The following SP140 variants were observed in gnomAD, a reference collection of about 807,000 sequenced individuals.
SP140 encodes the protein nuclear body protein SP140.
A neutral mutation model predicts 125.0 loss-of-function variants in SP140; 81 were observed. The ratio of observed to expected loss-of-function variants is 0.65; its 90% CI spans 0.54 to 0.78. The LOEUF (loss-of-function observed/expected upper bound fraction) is 0.78, where lower values mean the gene tolerates loss of function less well. SP140 is among the 30% of genes least tolerant of loss of function. The pLI, the probability that SP140 is intolerant of heterozygous loss-of-function variation, is 0.00. For synonymous variants in SP140, 312 were observed against 354.0 expected (o/e 0.88, Z 1.33); for missense variants, 858 against 1,037.0 (o/e 0.83, Z 2.37).
chr2:230,295,394 A>T (rs1252825452), intron 21 of SP140, among the ~76,000 whole-genome samples: 1 of 152,236 alleles, frequency 6.6e-6, no homozygotes, highest in Non-Finnish European at 1.5e-5. Context: ...GGAAACTATG[A>T]TGTCACCTAT....
intron 1 of SP140, among the ~76,000 whole-genome samples, chr2:230,205,828 C>T (rs1378869867): frequency 4.6e-5 from 7 of 152,084 alleles, no homozygotes; most frequent in Non-Finnish European, 1.0e-4. Flanking sequence ...GAGTTGAAGA[C>T]GTAGAGTTGG....
rs2044411314 is a variant in SP140 at position 230,211,047 on chromosome 2, T to C, written c.-322-2607T>C. ...CAGAGCCGTTTTGAGCACTACTTTA[T>C]TGAAGTGGCCTCAGAAGAGTGGCTC... On this transcript the variant is annotated intron_variant, in intron 1 of 4. Coordinates refer to the SP140 transcript ENST00000456542. This position sits in a 1 kb window ranked among gnomAD's most constrained non-coding sequence, Gnocchi z 4.2. Among the ~76,000 whole-genome samples the C allele has an allele frequency of 6.6e-6, 1 of 152,230 alleles. No homozygotes were observed.
intron 1 of SP140, among the ~76,000 whole-genome samples, chr2:230,204,540 T>A (rs1045377921): frequency 6.6e-6 from 1 of 152,166 alleles, no homozygotes; most frequent in Non-Finnish European, 1.5e-5. Context: ...CAATAATGAA[T>A]TCATAAACTA....
chr2:230,303,272 A>G (rs531005560), intron 22 of SP140, among the ~76,000 whole-genome samples: 2 of 152,294 alleles, frequency 1.3e-5, no homozygotes, highest in East Asian at 3.9e-4. Flanking sequence ...TAAGTCTACT[A>G]TGAACACCTT....
chr2:230,310,498 A>C (rs1182324167), intron 23 of SP140: 2 of 840,886 alleles, frequency 2.4e-6, no homozygotes, highest in African/African-American at 1.7e-5. Context: ...CAGACAGAGA[A>C]AGGAGAGTCC....
At chr2:230,292,587 C>A (rs2057254693) in intron 19 of SP140, 59 bp from the exon 20 acceptor site, 1 of 1,608,140 alleles carries the variant, frequency 6.2e-7, no homozygotes, top group Non-Finnish European at 8.5e-7. Flanking sequence ...TGGTGAGTGG[C>A]CATAGTCTGT....
At chr2:230,292,844 G>A (rs756084553) in intron 20 of SP140, 56 bp downstream of exon 20, 226 of 1,607,472 alleles carry the variant, frequency 1.4e-4, no homozygotes, top group Non-Finnish European at 1.8e-4. Context: ...TAATAATGAG[G>A]AGACTGTTTA....
chr2:230,311,099 A>G (rs2059292529), intron 24 of SP140, 55 bp from the exon 25 acceptor site: 8 of 1,610,308 alleles, frequency 5.0e-6, no homozygotes, highest in Non-Finnish European at 6.8e-6. Flanking sequence ...TGTCTCATGC[A>G]TGTGGGCTCA....
At chr2:230,245,773 T>C in intron 6 of SP140, 90 bp from the exon 7 acceptor site, 2 of 831,484 alleles carry the variant, frequency 2.4e-6, no homozygotes, top group Non-Finnish European at 4.1e-6. Flanking sequence ...AGGGAGCAGT[T>C]CTACACCCGA....
At chr2:230,308,419 C>T (rs2059019421) in intron 22 of SP140, among the ~76,000 whole-genome samples, 1 of 152,074 alleles carries the variant, frequency 6.6e-6, no homozygotes, top group Non-Finnish European at 1.5e-5. Context: ...AAGGATTCGA[C>T]ATACTTAAAC....
chr2:230,238,868 A>G (rs940897180), intron 3 of SP140: 1 of 1,552,480 alleles, frequency 6.4e-7, no homozygotes, highest in Non-Finnish European at 8.7e-7. Flanking sequence ...GAGGAGCTGC[A>G]TGTGAAAGCT....
rs778518354 is a variant in SP140, at chr2:230,238,198, T to C, written c.238-15T>C. The C allele has an allele frequency of 2.5e-6, 4 of 1,571,946 alleles. No homozygotes were observed. The highest frequency in any genetic ancestry group is 3.5e-6 in the Non-Finnish European group (4 of 1,154,154). ...AAATCTCTAGCTACATAATTCTCCATTTAATATTTTTAAGCATTTTCAAGA... is the reference window on the plus strand; with the variant it reads ...AAATCTCTAGCTACATAATTCTCCACTTAATATTTTTAAGCATTTTCAAGA... On this transcript the variant is annotated splice_polypyrimidine_tract_variant and intron_variant, in intron 2 of 26. Transcript: ENST00000392045.
intron 3 of SP140, among the ~76,000 whole-genome samples, chr2:230,219,105 G>A (rs1448261262): frequency 2.6e-5 from 4 of 152,120 alleles, no homozygotes; most frequent in Non-Finnish European, 5.9e-5. Context: ...CACATCTGTA[G>A]TCCCAGTTAC....
chr2:230,203,757 GTGTTT>G (rs1387503762), intron 1 of SP140: 1 of 152,094 alleles, frequency 6.6e-6, no homozygotes, highest in East Asian at 1.9e-4. Flanking sequence ...ATCTTTTTAT[GTGTTT>G]TGTTTTGTAA....
rs566418588 is a variant in SP140, at chr2:230,310,094, C to G, written c.2174+55C>G. On this transcript the variant is annotated intron_variant, in intron 23 of 26. Coordinates refer to ENST00000392045, the MANE Select transcript of SP140 (RefSeq NM_007237.5). ...GTCCTTTAAGGGATCTTCCACCTGC[C>G]ATGCGCACTCTCCAGCAGAGTGCCG... The G allele has an allele frequency of 1.0e-4, 154 of 1,540,272 alleles. 1 individual carries two copies. In the South Asian group the frequency reaches 1.6e-3, roughly 16 times the overall value.
chr2:230,268,289 C>T (rs998206088), intron 12 of SP140, among the ~76,000 whole-genome samples: 8 of 151,882 alleles, frequency 5.3e-5, no homozygotes, highest in African/African-American at 1.9e-4. Flanking sequence ...TTTGGGAGGC[C>T]GAGATGAGTG....
At chr2:230,266,994 C>T (rs1399637281) in intron 12 of SP140, among the ~76,000 whole-genome samples, 1 of 152,164 alleles carries the variant, frequency 6.6e-6, no homozygotes, top group African/African-American at 2.4e-5. Flanking sequence ...TGTTCACAGT[C>T]CTCAGGATTA....
chr2:230,217,245 C>CAA (rs6147220), intron 3 of SP140, among the ~76,000 whole-genome samples: 4,327 of 79,714 alleles, frequency 0.054, 179 homozygotes, highest in East Asian at 0.086. Context: ...GACTCCATCT[C>CAA]AAAAAAAAAA....
At chr2:230,303,279 C>A (rs1431737364) in intron 22 of SP140, among the ~76,000 whole-genome samples, 3 of 152,082 alleles carry the variant, frequency 2.0e-5, no homozygotes, top group Admixed American at 1.3e-4. Flanking sequence ...ACTATGAACA[C>A]CTTTATGCAC....
Sources: allele counts gnomAD v4.1 joint callset (sites outside exome capture counted in the v4.1 genomes callset), GRCh38; gene constraint gnomAD v4.1.1; non-coding constraint Gnocchi (gnomAD v3.1); transcripts MANE v1.5; gene names NCBI Gene and HGNC (gene_info 2026-07-23, HGNC 2026-07-21).